The following ECPAS variants were observed in gnomAD, a reference collection of about 807,000 sequenced individuals.
ECPAS encodes the protein Ecm29 proteasome adaptor and scaffold.
A neutral mutation model predicts 255.1 loss-of-function variants in ECPAS; 70 were observed. That is an observed-to-expected ratio of 0.27 (90% confidence interval 0.23 to 0.33). ECPAS has a LOEUF of 0.33. Ranked by LOEUF, ECPAS falls within the 10% of genes least tolerant of loss-of-function variation. The pLI is 1.00. For missense variants in ECPAS, 1,817 were observed against 2,206.4 expected (o/e 0.82, Z 3.54); for synonymous variants, 784 against 775.0 (o/e 1.01, Z -0.19).
At chr9:111,382,260 C>CTTT (rs35441317) in intron 35 of ECPAS, among the ~76,000 whole-genome samples, 1,346 of 107,682 alleles carry the variant, frequency 0.012, 78 homozygotes, top group African/African-American at 0.046. Flanking sequence ...AAAAGTGATA[C>CTTT]TTTTTTTTTT....
rs1300238087 is a variant in ECPAS at position 111,405,594 on chromosome 9, A to T, written c.2652+2977T>A. Among the ~76,000 whole-genome samples, 3 of 150,014 alleles carry T rather than the reference A, an allele frequency of 2.0e-5. 1 individual carries two copies. Among genetic ancestry groups the T allele is most frequent in the African/African-American group, 7.6e-5 (3 of 39,636 alleles). On this transcript the variant is annotated intron_variant, in intron 24 of 49. Coordinates refer to ENST00000684092, the MANE Select transcript of ECPAS (RefSeq NM_001364929.1). Reference sequence around the variant, plus strand: ...CTGCACAGCAAAGGAAACATCCAACAGAGTGAAGAGACAACCTATGGCATA... The same window carrying T: ...CTGCACAGCAAAGGAAACATCCAACTGAGTGAAGAGACAACCTATGGCATA...
intron 15 of ECPAS, 146 bp from the exon 16 acceptor site, chr9:111,420,266 T>G (rs567325855): frequency 8.6e-5 from 51 of 594,248 alleles, no homozygotes; most frequent in Non-Finnish European, 1.4e-4. Context: ...TAAACGTGTA[T>G]CTAAATTAAA....
rs1213285178 is a variant in ECPAS at position 111,436,530 on chromosome 9, C to CTG, written c.708+409_708+410insCA. On this transcript the variant is annotated intron_variant, in intron 7 of 49. Transcript: ENST00000684092. ...CTGGGGCTCCTCACTTTACATAAAA[C>CTG]GTACAGCCCTTAAAAGTTGAATAAT... Among the ~76,000 whole-genome samples, 6 of 151,996 alleles carry CTG rather than the reference C, an allele frequency of 3.9e-5. No individual in the cohort carries two copies. The East Asian group carries it at 7.7e-4, about 19-fold the overall frequency.
At chr9:111,481,174 A>C (rs2098304430) in intron 1 of ECPAS, among the ~76,000 whole-genome samples, 1 of 152,224 alleles carries the variant, frequency 6.6e-6, no homozygotes, top group Non-Finnish European at 1.5e-5. Context: ...GTTGGTGGTA[A>C]TGTAAAATGG....
At chr9:111,399,196 A>C (rs547001886) in intron 24 of ECPAS, among the ~76,000 whole-genome samples, 8 of 152,212 alleles carry the variant, frequency 5.3e-5, no homozygotes, top group African/African-American at 1.4e-4. Context: ...CTTAAAATTG[A>C]GAAAAAAAAA....
Position 111,404,194 on chromosome 9 carries a change from A to T in ECPAS, c.2652+4377T>A, listed in dbSNP as rs540693843. 3.1e-4 allele frequency among the ~76,000 whole-genome samples: 47 copies of T among 149,778 alleles called. 3 individuals carry two copies. The highest frequency in any genetic ancestry group is 1.1e-3 in the African/African-American group (42 of 39,504). ...CTTCAAATAAACAACATAATGATGCACTTTAAAGAACTAGAAAAGCAAAAG... is the reference window on the plus strand; with the variant it reads ...CTTCAAATAAACAACATAATGATGCTCTTTAAAGAACTAGAAAAGCAAAAG... On this transcript the variant is annotated intron_variant, in intron 24 of 49. Transcript: ENST00000684092.
intron 4 of ECPAS, among the ~76,000 whole-genome samples, chr9:111,442,703 G>C (rs1159201288): frequency 6.6e-6 from 1 of 152,156 alleles, no homozygotes; most frequent in Non-Finnish European, 1.5e-5. Flanking sequence ...TCATGAAGAA[G>C]AAAGAAATAA....
chr9:111,482,429 A>T (rs2098307257), intron 1 of ECPAS, among the ~76,000 whole-genome samples: 1 of 152,242 alleles, frequency 6.6e-6, no homozygotes, highest in South Asian at 2.1e-4. Context: ...TGAGGGCAAA[A>T]GTGAGATCAT....
chr9:111,469,922 C>T (rs779298468), intron 2 of ECPAS, among the ~76,000 whole-genome samples: 1 of 152,036 alleles, frequency 6.6e-6, no homozygotes, highest in Non-Finnish European at 1.5e-5. Context: ...TCAACAGATG[C>T]AAATGTACTT....
intron 47 of ECPAS, 34 bp from the exon 48 acceptor site, chr9:111,366,361 A>G (rs2098120312): frequency 6.7e-7 from 1 of 1,488,072 alleles, no homozygotes; most frequent in Non-Finnish European, 9.2e-7. Flanking sequence ...ACAAATGCCA[A>G]TTATTAAGAA....
intron 33 of ECPAS, among the ~76,000 whole-genome samples, 160 bp from the exon 34 acceptor site, chr9:111,384,729 C>A (rs2098145423): frequency 6.6e-6 from 1 of 152,144 alleles, no homozygotes; most frequent in South Asian, 2.1e-4. Context: ...AGACTCTCTG[C>A]CCATCAAGGA....
intron 27 of ECPAS, 49 bp downstream of exon 27, chr9:111,393,631 T>C: frequency 8.1e-7 from 1 of 1,235,798 alleles, no homozygotes; most frequent in Non-Finnish European, 1.2e-6. Flanking sequence ...TTTTGAACAT[T>C]TAAAATACAA....
At chr9:111,400,573 T>C (rs1391835112) in intron 24 of ECPAS, among the ~76,000 whole-genome samples, 3 of 152,084 alleles carry the variant, frequency 2.0e-5, no homozygotes, top group Admixed American at 2.0e-4. Flanking sequence ...AAGAGAAATT[T>C]AGTAAAGAGA....
chr9:111,414,176 C>G (rs1411807871), intron 19 of ECPAS, among the ~76,000 whole-genome samples, 190 bp from the exon 20 acceptor site: 1 of 151,664 alleles, frequency 6.6e-6, no homozygotes, highest in Non-Finnish European at 1.5e-5. Context: ...TACAGATGAG[C>G]TATCTATAAA....
Position 111,422,021 on chromosome 9 carries a change from G to C in ECPAS, c.1355C>G (p.Ala452Gly), listed in dbSNP as rs750874372. The change falls in exon 15 of 50, where the codon GCT becomes GGT. Residue 452 changes from alanine to glycine, a missense_variant. Physicochemically the swap from Ala to Gly is moderately conservative, Grantham distance 60. Coordinates refer to ENST00000684092, the MANE Select transcript of ECPAS (RefSeq NM_001364929.1). ...LCKEEPETRL[A>G]IQEALSMMVG... ...CATCATAGATAAAGCTTCTTGAATA[G>C]CAAGTCGAGTCTCAGGCTCTTCCTA... is the stretch of plus-strand genomic sequence containing the variant. 9 of 1,613,704 alleles carry C rather than the reference G, an allele frequency of 5.6e-6. No individual in the cohort carries two copies. The highest frequency in any genetic ancestry group is 4.2e-6 in the Non-Finnish European group (5 of 1,179,778).
chr9:111,371,924 G>T, intron 42 of ECPAS, 95 bp from the exon 43 acceptor site: 1 of 892,052 alleles, frequency 1.1e-6, no homozygotes, highest in Non-Finnish European at 1.7e-6. Context: ...CAGTCTAAAA[G>T]CAGTGACTCT....
At chr9:111,482,494 A>G (rs569766112) in intron 1 of ECPAS, among the ~76,000 whole-genome samples, 2 of 152,372 alleles carry the variant, frequency 1.3e-5, no homozygotes, top group Admixed American at 1.3e-4. Flanking sequence ...CATTACGTGT[A>G]TAACTACTTT....
rs191368250 is a variant in ECPAS at position 111,361,231 on chromosome 9, A to G, written c.*799T>C. The G allele has an allele frequency of 1.2e-4, 18 of 152,362 alleles. No homozygotes were observed. The highest frequency in any genetic ancestry group is 4.1e-4 in the African/African-American group (17 of 41,588). 9.4% of individuals were successfully genotyped at this position (152,362 alleles called of 1,614,324 possible). Reference sequence around the variant, plus strand: ...AAAATATGCAGCCACAGACACAGATAGAATGTGTGATCTTGTCCTAATCTA... The same window carrying G: ...AAAATATGCAGCCACAGACACAGATGGAATGTGTGATCTTGTCCTAATCTA... On this transcript the variant is annotated 3_prime_UTR_variant, in exon 50 of 50. Coordinates refer to ENST00000684092, the MANE Select transcript of ECPAS (RefSeq NM_001364929.1).
rs576634757 is a variant in ECPAS at position 111,421,451 on chromosome 9, A to G, written c.1455+470T>C. ...TGTGTGTGTGTGTGTGTGTGTGTGT[A>G]TCTACAGATATTCAAAATCCTCCTA... On this transcript the variant is annotated intron_variant, in intron 15 of 49. Transcript: ENST00000684092. 7.4e-5 allele frequency among the ~76,000 whole-genome samples: 10 copies of G among 135,796 alleles called. No individual in the cohort carries two copies. The East Asian group carries it at 1.4e-3, about 19-fold the overall frequency. The allele number at this position is 135,796 out of a possible 152,430, so 89.1% of individuals were successfully genotyped here.
Sources: allele counts gnomAD v4.1 joint callset (sites outside exome capture counted in the v4.1 genomes callset), GRCh38; gene constraint gnomAD v4.1.1; transcripts MANE v1.5; gene names NCBI Gene and HGNC (gene_info 2026-07-23, HGNC 2026-07-21).